The following FGD6 variants were observed in gnomAD, a reference collection of about 807,000 sequenced individuals.
FGD6 encodes FYVE, RhoGEF and PH domain-containing protein 6.
In FGD6, 90 loss-of-function variants were observed where a neutral mutation model predicts 149.4. That is an observed-to-expected ratio of 0.60 (90% CI 0.51 to 0.72). The LOEUF (loss-of-function observed/expected upper bound fraction) is 0.72, where lower values mean the gene tolerates loss of function less well. FGD6 is among the 30% of genes least tolerant of loss of function. FGD6 has a pLI of 0.00. For synonymous variants in FGD6, 527 were observed against 584.0 expected, an observed-to-expected ratio of 0.90 and a Z score of 1.41; for missense variants, 1,437 against 1,684.8, an observed-to-expected ratio of 0.85 and a Z score of 2.57.
rs1877659571 is a variant in FGD6, at chr12:95,081,153, T to C, written c.*367A>G. The C allele has an allele frequency of 6.4e-6, 1 of 156,198 alleles. No homozygotes were observed. The highest frequency in any genetic ancestry group is 1.4e-5 in the Non-Finnish European group (1 of 70,520). The allele number at this position is 156,198 out of a possible 1,614,324, so 9.7% of individuals were successfully genotyped here. ...TATGTGTTTTTTCCTTACAAAGACT[T>C]TCCACCAGTAAGATTGTTACAATGT... is the stretch of plus-strand genomic sequence containing the variant. On this transcript the variant is annotated 3_prime_UTR_variant, in exon 21 of 21. Transcript: ENST00000343958.
At chr12:95,083,030 T>TAC (rs1555215606) in intron 20 of FGD6, among the ~76,000 whole-genome samples, 10 of 56,590 alleles carry the variant, frequency 1.8e-4, no homozygotes, top group South Asian at 1.4e-3. Context: ...TATATATATA[T>TAC]ACACACACAT....
Position 95,091,693 on chromosome 12 carries a change from T to G in FGD6, c.3850+14A>C. 6.3e-7 allele frequency: 1 copy of G among 1,599,722 alleles called. No homozygotes were observed. The highest frequency in any genetic ancestry group is 8.5e-7 in the Non-Finnish European group (1 of 1,171,570). ...ATAAAGGAATTTTTGGTTAAATCCT[T>G]ACTTATATATTACCTAATTTCTGCA... is the stretch of plus-strand genomic sequence containing the variant. On this transcript the variant is annotated intron_variant, in intron 17 of 20. Coordinates refer to ENST00000343958, the MANE Select transcript of FGD6 (RefSeq NM_018351.4).
At chr12:95,186,925 G>A (rs1420997455) in intron 2 of FGD6, among the ~76,000 whole-genome samples, 1 of 152,106 alleles carries the variant, frequency 6.6e-6, no homozygotes, top group Non-Finnish European at 1.5e-5. Flanking sequence ...AGAATTTTGT[G>A]GGGATTAAAC....
intron 6 of FGD6, among the ~76,000 whole-genome samples, chr12:95,140,675 C>A (rs1440721362): frequency 6.6e-6 from 1 of 152,100 alleles, no homozygotes. Flanking sequence ...AGTGAACGGC[C>A]TCTTTTTCAA....
chr12:95,084,061 T>G (rs533996014), intron 20 of FGD6, among the ~76,000 whole-genome samples: 1 of 152,208 alleles, frequency 6.6e-6, no homozygotes, highest in East Asian at 1.9e-4. Flanking sequence ...TTTGACCTTT[T>G]CCCCAAAGAA....
In FGD6 at chr12:95,210,391, A is replaced by G; in HGVS notation, c.893T>C (p.Leu298Pro). ...TACTAAATGAATTTCTAAGGGACCA[A>G]GGTCTTTGACTTCTGATTTCTTACT... ...GVSKKSEVKD[L>P]GPLEIHLVPY... The change falls in exon 2 of 21, where the codon CTT (leucine) becomes CCT (proline). Residue 298 changes from leucine to proline, a missense_variant. Coordinates refer to ENST00000343958, the MANE Select transcript of FGD6 (RefSeq NM_018351.4). 6.2e-7 allele frequency: 1 copy of G among 1,613,774 alleles called. No individual in the cohort carries two copies. Among genetic ancestry groups the G allele is most frequent in the Non-Finnish European group, 8.5e-7 (1 of 1,179,964 alleles).
chr12:95,144,034 C>T lies in FGD6; in HGVS notation c.2686-2495G>A, dbSNP rs557437914. On this transcript the variant is annotated intron_variant, in intron 5 of 20. Coordinates refer to ENST00000343958, the MANE Select transcript of FGD6 (RefSeq NM_018351.4). ...TGTTAGCTGCTAAGTAACTTAAGGA[C>T]CCGGTTTGACACAGCTTTTGCCAGA... is the stretch of plus-strand genomic sequence containing the variant. Among the ~76,000 whole-genome samples the T allele has an allele frequency of 2.0e-5, 3 of 152,274 alleles. No homozygotes were observed. In the East Asian group the frequency reaches 5.8e-4, roughly 29 times the overall value.
chr12:95,200,312 ATTT>A (rs2056649240), intron 2 of FGD6, among the ~76,000 whole-genome samples: 1 of 152,174 alleles, frequency 6.6e-6, no homozygotes, highest in African/African-American at 2.4e-5. Context: ...TTTCCTTTTA[ATTT>A]TTATGGAAAC....
In FGD6 at chr12:95,107,493, T is replaced by C. The variant is rs149458133; in HGVS notation, c.3333+70A>G. 125 of 1,479,248 alleles carry C rather than the reference T, an allele frequency of 8.5e-5. No homozygotes were observed. The East Asian group carries it at 2.8e-3, about 34-fold the overall frequency. 91.6% of individuals were successfully genotyped at this position (1,479,248 alleles called of 1,614,324 possible). A position where few individuals can be genotyped will look rare whatever the true frequency, so the allele number is the denominator to read the frequency against. On this transcript the variant is annotated intron_variant, in intron 12 of 20. Coordinates refer to ENST00000343958, the MANE Select transcript of FGD6 (RefSeq NM_018351.4). Reference sequence around the variant, plus strand: ...GAAGGTGCTAAGCTTATCTACCATGTATAAACGTCTCCTTTCCTTAAGCAA... The same window carrying C: ...GAAGGTGCTAAGCTTATCTACCATGCATAAACGTCTCCTTTCCTTAAGCAA...
intron 18 of FGD6, among the ~76,000 whole-genome samples, chr12:95,089,136 AG>A (rs1173086259): frequency 6.6e-6 from 1 of 152,258 alleles, no homozygotes; most frequent in African/African-American, 2.4e-5. Context: ...TTTCTTTTAA[AG>A]GAAGTTTAAA....
chr12:95,113,820 T>G, intron 8 of FGD6, 119 bp from the exon 9 acceptor site: 1 of 554,952 alleles, frequency 1.8e-6, no homozygotes, highest in South Asian at 3.1e-5. Context: ...GTCCAACTTG[T>G]GCTAACTTTC....
intron 5 of FGD6, among the ~76,000 whole-genome samples, chr12:95,146,157 C>A (rs894246019): frequency 2.0e-5 from 3 of 152,204 alleles, no homozygotes; most frequent in Non-Finnish European, 4.4e-5. Flanking sequence ...TGTGCTACAG[C>A]CCCAATGCCA....
chr12:95,184,439 G>A (rs1001494270), intron 2 of FGD6, among the ~76,000 whole-genome samples: 18 of 152,130 alleles, frequency 1.2e-4, no homozygotes, highest in African/African-American at 4.1e-4. Context: ...TCACACAAAT[G>A]ATATGTCTTC....
intron 2 of FGD6, among the ~76,000 whole-genome samples, chr12:95,186,124 T>A (rs1447989140): frequency 6.6e-6 from 1 of 150,960 alleles, no homozygotes; most frequent in East Asian, 2.0e-4. Flanking sequence ...ATGGATTCCA[T>A]CCTAATATCT....
At chr12:95,149,649 C>CT (rs1880235163) in intron 5 of FGD6, among the ~76,000 whole-genome samples, 1 of 34,080 alleles carries the variant, frequency 2.9e-5, no homozygotes, top group Admixed American at 4.4e-4. Context: ...ACAGCAAACC[C>CT]TTTTTTCAAA....
intron 5 of FGD6, among the ~76,000 whole-genome samples, chr12:95,146,720 G>A (rs1189890485): frequency 6.6e-6 from 1 of 151,938 alleles, no homozygotes; most frequent in Non-Finnish European, 1.5e-5. Flanking sequence ...GCTAGAAATG[G>A]GCCTCTGAAT....
chr12:95,138,079 G>T (rs1052752574), intron 6 of FGD6, among the ~76,000 whole-genome samples: 3 of 151,980 alleles, frequency 2.0e-5, no homozygotes, highest in Non-Finnish European at 4.4e-5. Context: ...AATTAGTCGG[G>T]CATGGTGGTG....
At chr12:95,115,445 A>C (rs1203493416) in intron 8 of FGD6, among the ~76,000 whole-genome samples, 2 of 130,942 alleles carry the variant, frequency 1.5e-5, no homozygotes, top group African/African-American at 2.9e-5. Flanking sequence ...TTTATTGCCC[A>C]GGCTGGTCTT....
intron 20 of FGD6, among the ~76,000 whole-genome samples, chr12:95,082,400 G>C (rs532621786): frequency 1.8e-4 from 27 of 149,784 alleles, no homozygotes; most frequent in Middle Eastern, 3.4e-3. Flanking sequence ...GCTCATGCCT[G>C]TAATCCCAGT....
Sources: allele counts gnomAD v4.1 joint callset (sites outside exome capture counted in the v4.1 genomes callset), GRCh38; gene constraint gnomAD v4.1.1; transcripts MANE v1.5; gene names NCBI Gene and HGNC (gene_info 2026-07-23, HGNC 2026-07-21).